TMEM87B: variants seen among roughly 807,000 people sequenced by gnomAD.
The protein encoded by TMEM87B is transmembrane protein 87B.
TMEM87B carries 83 observed loss-of-function variants against 80.3 expected under a neutral mutation model. The observed-to-expected ratio is 1.03, with a 90% confidence interval of 0.87 to 1.24. The LOEUF (loss-of-function observed/expected upper bound fraction) is 1.24, where lower values mean the gene tolerates loss of function less well. Among genes scored for constraint, TMEM87B ranks in the 50% most tolerant of loss-of-function variants. The probability of loss-of-function intolerance (pLI) is 0.00; values close to 1 mark genes in which losing one functional copy is unlikely to be tolerated. For missense variants in TMEM87B, 625 were observed against 674.4 expected (o/e 0.93, Z 0.81); for synonymous variants, 219 against 230.5 (o/e 0.95, Z 0.45).
Position 112,085,461 on chromosome 2 carries a change from T to C in TMEM87B, c.839-544T>C, listed in dbSNP as rs191247988. Among the ~76,000 whole-genome samples, 12 of 152,288 alleles carry C rather than the reference T, an allele frequency of 7.9e-5. No homozygotes were observed. In the East Asian group the frequency reaches 2.3e-3, roughly 29 times the overall value. ...TAGTTCCCCCAGGTGTAGATTAGACTGGCCTTCTTCCAAGTCTGGAGGGAT... is the reference window on the plus strand; with the variant it reads ...TAGTTCCCCCAGGTGTAGATTAGACCGGCCTTCTTCCAAGTCTGGAGGGAT... On this transcript the variant is annotated intron_variant, in intron 8 of 18. Coordinates refer to ENST00000283206, the MANE Select transcript of TMEM87B (RefSeq NM_032824.3).
intron 9 of TMEM87B, among the ~76,000 whole-genome samples, chr2:112,088,933 CT>C (rs36040886): frequency 1.3e-5 from 2 of 151,920 alleles, no homozygotes; most frequent in Non-Finnish European, 2.9e-5. Flanking sequence ...TAATTGTTTG[CT>C]TTTTTTGGTA....
intron 9 of TMEM87B, 90 bp downstream of exon 9, chr2:112,086,194 AGTATTG>A (rs758717580): frequency 1.6e-5 from 15 of 964,120 alleles, no homozygotes; most frequent in Non-Finnish European, 2.2e-5. Context: ...GGAACTTCTA[AGTATTG>A]TAGTACAAAT....
intron 17 of TMEM87B, among the ~76,000 whole-genome samples, chr2:112,110,514 T>C (rs1679882129): frequency 6.6e-6 from 1 of 152,146 alleles, no homozygotes; most frequent in Non-Finnish European, 1.5e-5. Flanking sequence ...AATGTTTTGA[T>C]TTTCATTTTC....
intron 15 of TMEM87B, among the ~76,000 whole-genome samples, chr2:112,102,327 T>A (rs1177796587): frequency 6.6e-6 from 1 of 152,158 alleles, no homozygotes; most frequent in Non-Finnish European, 1.5e-5. Context: ...CATGATCAAG[T>A]GGACTTTATC....
At chr2:112,089,511 A>C (rs56112761) in intron 9 of TMEM87B, 114 bp from the exon 10 acceptor site, 28,269 of 900,218 alleles carry the variant, frequency 0.031, 858 homozygotes, top group African/African-American at 0.13. Flanking sequence ...GAACAGACTG[A>C]TGTGATTAGA....
Position 112,112,864 on chromosome 2 carries a change from A to G in TMEM87B, c.1578-35A>G, listed in dbSNP as rs753598978. 11 of 1,607,282 alleles carry G rather than the reference A, an allele frequency of 6.8e-6. No homozygotes were observed. The East Asian group carries it at 2.0e-4, about 29-fold the overall frequency. On this transcript the variant is annotated intron_variant, in intron 17 of 18. Transcript: ENST00000283206. ...CGTGGATACACTGGCCTTACTGTTA[A>G]CAACATTATCACCTTTTTTTCCCTT...
At chr2:112,088,251 C>T (rs919465216) in intron 9 of TMEM87B, among the ~76,000 whole-genome samples, 1 of 152,328 alleles carries the variant, frequency 6.6e-6, no homozygotes, top group East Asian at 1.9e-4. Flanking sequence ...CTTGCAGTAC[C>T]TTTCACAGCT....
chr2:112,108,037 A>G (rs535877624), intron 17 of TMEM87B, among the ~76,000 whole-genome samples, 197 bp downstream of exon 17: 1 of 152,346 alleles, frequency 6.6e-6, no homozygotes, highest in East Asian at 1.9e-4. Context: ...CGATACAGCA[A>G]CCATTTTAAA....
intron 11 of TMEM87B, chr2:112,095,479 AT>A: frequency 2.1e-6 from 2 of 972,804 alleles, no homozygotes; most frequent in Non-Finnish European, 2.4e-6. Flanking sequence ...GCTTAAAAAC[AT>A]TTTTTTAAAA....
chr2:112,095,537 T>C, intron 11 of TMEM87B: 1 of 845,984 alleles, frequency 1.2e-6, no homozygotes, highest in South Asian at 5.5e-5. Flanking sequence ...AATTTGGTTT[T>C]AGTCAAGAAT....
intron 2 of TMEM87B, among the ~76,000 whole-genome samples, chr2:112,061,671 G>A (rs146906876): frequency 5.3e-5 from 8 of 152,240 alleles, no homozygotes; most frequent in Middle Eastern, 3.4e-3. Flanking sequence ...AAAAAGTAAC[G>A]TCAGCCACTG....
intron 6 of TMEM87B, among the ~76,000 whole-genome samples, chr2:112,079,345 A>G (rs1382278611): frequency 6.6e-6 from 1 of 152,222 alleles, no homozygotes; most frequent in Non-Finnish European, 1.5e-5. Context: ...GATTCCACAT[A>G]TAAGTGAAAA....
intron 8 of TMEM87B, among the ~76,000 whole-genome samples, chr2:112,081,798 C>T (rs1240671671): frequency 2.6e-5 from 4 of 152,192 alleles, no homozygotes; most frequent in African/African-American, 7.2e-5. Context: ...TGGATTAAAA[C>T]AGCACAAAGT....
intron 11 of TMEM87B, among the ~76,000 whole-genome samples, chr2:112,095,013 T>G (rs879579249): frequency 6.6e-6 from 1 of 151,714 alleles, no homozygotes; most frequent in Admixed American, 6.6e-5. Flanking sequence ...GAACTTAATA[T>G]AACCAATCCT....
intron 5 of TMEM87B, 102 bp downstream of exon 5, chr2:112,075,064 G>A: frequency 1.4e-6 from 2 of 1,443,366 alleles, no homozygotes; most frequent in Non-Finnish European, 1.8e-6. Flanking sequence ...ATAAAGTAGG[G>A]TTATTAGAAC....
intron 4 of TMEM87B, among the ~76,000 whole-genome samples, chr2:112,070,055 A>G (rs1283398348): frequency 6.6e-6 from 1 of 151,874 alleles, no homozygotes; most frequent in South Asian, 2.1e-4. Context: ...TAAGTTCCTT[A>G]TAGACACTGG....
At position 112,117,489 on chromosome 2, in the gene TMEM87B, C is replaced by A. The variant is rs1018119034; in HGVS notation, c.*1346C>A. 6.6e-6 allele frequency: 1 copy of A among 151,694 alleles called. No individual in the cohort carries two copies. Among genetic ancestry groups the A allele is most frequent in the Non-Finnish European group, 1.5e-5 (1 of 67,940 alleles). The allele number at this position is 151,694 out of a possible 1,614,324, so 9.4% of individuals were successfully genotyped here. A position where few individuals can be genotyped will look rare whatever the true frequency, so the allele number is the denominator to read the frequency against. On this transcript the variant is annotated 3_prime_UTR_variant, in exon 19 of 19. Coordinates refer to ENST00000283206, the MANE Select transcript of TMEM87B (RefSeq NM_032824.3). ...CTTCTGAATTTATTTCTTGTTTACT[C>A]ATTTCAGAGAGGGTAGTAAAGAAGA... is the stretch of plus-strand genomic sequence containing the variant.
At chr2:112,084,920 G>A (rs1162959148) in intron 8 of TMEM87B, among the ~76,000 whole-genome samples, 2 of 152,190 alleles carry the variant, frequency 1.3e-5, no homozygotes, top group South Asian at 2.1e-4. Context: ...GGCCATAGAG[G>A]AAATATTTTG....
At position 112,119,276 on chromosome 2, in the gene TMEM87B, A is replaced by G. The variant is rs1447681483; in HGVS notation, c.*3133A>G. 1 of 152,184 alleles carries G rather than the reference A, an allele frequency of 6.6e-6. No homozygotes were observed. Among genetic ancestry groups the G allele is most frequent in the African/African-American group, 2.4e-5 (1 of 41,452 alleles). 9.4% of individuals were successfully genotyped at this position (152,184 alleles called of 1,614,324 possible). A position where few individuals can be genotyped will look rare whatever the true frequency, so the allele number is the denominator to read the frequency against. On this transcript the variant is annotated 3_prime_UTR_variant, in exon 19 of 19. Transcript: ENST00000283206. ...GAAAAATTGATGTATTTTGTGCCTT[A>G]ATATTTTGTTCTTTTAATAAAAATG...
Sources: allele counts gnomAD v4.1 joint callset (sites outside exome capture counted in the v4.1 genomes callset), GRCh38; gene constraint gnomAD v4.1.1; transcripts MANE v1.5; gene names NCBI Gene and HGNC (gene_info 2026-07-23, HGNC 2026-07-21).